Variants in SMARCAL1 observed in about 807,000 individuals in gnomAD.
The protein encoded by SMARCAL1 is SNF2 related chromatin remodeling annealing helicase 1, also known as ATP-driven annealing helicase.
SMARCAL1 carries 58 observed loss-of-function variants against 94.5 expected under a neutral mutation model. The observed-to-expected ratio is 0.61, with a 90% CI of 0.50 to 0.76. The LOEUF is 0.76. Ranked by LOEUF, SMARCAL1 falls within the 30% of genes least tolerant of loss-of-function variation. The probability of loss-of-function intolerance (pLI) is 0.00; values close to 1 mark genes in which losing one functional copy is unlikely to be tolerated. For missense variants in SMARCAL1, 1,051 were observed against 1,177.9 expected, an observed-to-expected ratio of 0.89 and a Z score of 1.58; for synonymous variants, 422 against 455.1, an observed-to-expected ratio of 0.93 and a Z score of 0.93.
At chr2:216,434,687 A>G (rs926291486) in intron 8 of SMARCAL1, among the ~76,000 whole-genome samples, 1 of 151,374 alleles carries the variant, frequency 6.6e-6, no homozygotes, top group African/African-American at 2.4e-5. Flanking sequence ...AAAAAAAGAA[A>G]GAAAGAAATT....
rs1401004374 is a variant in SMARCAL1, at chr2:216,420,460, T to G, written c.1024T>G (p.Tyr342Asp). ...KGRCMLISRA[Y>D]FEADISYSQD... ...GCGATGCATGCTCATCTCCAGGGCC[T>G]ACTTCGAGGCAGACATCAGTTATTC... is the stretch of plus-strand genomic sequence containing the variant. Residue 342 changes from tyrosine (Y) to aspartate (D), a missense_variant, in exon 5 of 18, where the codon TAC (tyrosine) becomes GAC (aspartate). Tyr to Asp is a radical substitution (Grantham distance 160, BLOSUM62 -3). This residue lies in a region of SMARCAL1 where 11 missense variants were observed against 28.0 expected (regional missense o/e 0.39). Transcript: ENST00000357276. 2 of 1,614,112 alleles carry G rather than the reference T, an allele frequency of 1.2e-6. No individual in the cohort carries two copies. The highest frequency in any genetic ancestry group is 8.5e-7 in the Non-Finnish European group (1 of 1,180,054).
Position 216,435,223 on chromosome 2 carries a change from G to C in SMARCAL1, c.1486-115G>C, listed in dbSNP as rs527771831. 1.2e-5 allele frequency: 13 copies of C among 1,107,622 alleles called. No individual in the cohort carries two copies. The South Asian group carries it at 1.3e-4, about 11-fold the overall frequency. The allele number at this position is 1,107,622 out of a possible 1,614,324, so 68.6% of individuals were successfully genotyped here. A position where few individuals can be genotyped will look rare whatever the true frequency, so the allele number is the denominator to read the frequency against. ...AGTGGCAAGTGAAGGGGCACAGGTA[G>C]GTGAGAGGAAGGTAGAGGTGATGGC... On this transcript the variant is annotated intron_variant, in intron 8 of 17. Transcript: ENST00000357276.
Position 216,450,641 on chromosome 2 carries a change from A to C in SMARCAL1, c.1852-205A>C, listed in dbSNP as rs2738286. ...ATGCCATGATAGGTGTTTTTTATTC[A>C]TCTCATTCCTGACTTTTTTCTCTCT... On this transcript the variant is annotated intron_variant, in intron 11 of 17. Coordinates refer to ENST00000357276, the MANE Select transcript of SMARCAL1 (RefSeq NM_014140.4). 0.085 allele frequency among the ~76,000 whole-genome samples: 12,986 copies of C among 152,174 alleles called. 1,414 individuals are homozygous for C. Among genetic ancestry groups the C allele is most frequent in the African/African-American group, 0.25 (10,326 of 41,468 alleles).
At chr2:216,417,063 C>A (rs1190688147) in intron 4 of SMARCAL1, among the ~76,000 whole-genome samples, 1 of 152,154 alleles carries the variant, frequency 6.6e-6, no homozygotes, top group South Asian at 2.1e-4. Context: ...ATTTCTACAC[C>A]GTCTCTTCCT....
intron 12 of SMARCAL1, among the ~76,000 whole-genome samples, chr2:216,457,686 C>G (rs143290054): frequency 0.096 from 14,683 of 152,196 alleles, 876 homozygotes; most frequent in South Asian, 0.19. Flanking sequence ...ACATTTAAAG[C>G]AGTGTGTAGA....
In SMARCAL1 at chr2:216,420,394, G is replaced by T; in HGVS notation, c.958G>T (p.Ala320Ser). Residue 320 changes from alanine (A) to serine (S), a missense_variant, in exon 5 of 18, where the codon GCC becomes TCC. This residue lies in a region of SMARCAL1 where 398 missense variants were observed against 395.2 expected (regional missense o/e 1.01). Coordinates refer to ENST00000357276, the MANE Select transcript of SMARCAL1 (RefSeq NM_014140.4). ...ACCCTCCACCAGCAGTGAGGGACAG[G>T]CCGGCCTTCCATCAGCTCCATCCCT... ...ESPSTSSEGQ[A>S]GLPSAPSLSF... 6.2e-7 allele frequency: 1 copy of T among 1,614,196 alleles called. No individual in the cohort carries two copies. The highest frequency in any genetic ancestry group is 8.5e-7 in the Non-Finnish European group (1 of 1,180,020).
intron 14 of SMARCAL1, among the ~76,000 whole-genome samples, chr2:216,469,483 C>T (rs915256541): frequency 4.0e-5 from 6 of 151,638 alleles, no homozygotes; most frequent in African/African-American, 9.7e-5. Flanking sequence ...AGGGTTTCAC[C>T]GTGTGTTAGC....
At position 216,438,472 on chromosome 2, in the gene SMARCAL1, T is replaced by C. The variant is rs540415038; in HGVS notation, c.1697T>C (p.Met566Thr). The C allele has an allele frequency of 6.2e-7, 1 of 1,614,028 alleles. No individual in the cohort carries two copies. Among genetic ancestry groups the C allele is most frequent in the African/African-American group, 1.3e-5 (1 of 75,058 alleles). Residue 566 changes from methionine to threonine, a missense_variant, in exon 10 of 18, where the codon ATG becomes ACG. Physicochemically the swap from Met to Thr is moderately conservative, Grantham distance 81 (BLOSUM62 -1). Transcript: ENST00000357276. ...AGGACTGCCCGCTGTCGAGCAGCTA[T>C]GCCGGTCCTAAAGGTGAGTACTTCT... ...NSRTARCRAAMPVLKVAKRVI... is the reference protein window; with the variant it reads ...NSRTARCRAATPVLKVAKRVI...
intron 17 of SMARCAL1, chr2:216,479,196 C>G (rs77343379): frequency 0.067 from 10,156 of 152,306 alleles, 577 homozygotes; most frequent in African/African-American, 0.16. Flanking sequence ...TGAACCAGGT[C>G]TGAGCCTCAT....
At chr2:216,438,569 AG>A (rs1694129402) in intron 10 of SMARCAL1, 84 bp downstream of exon 10, 1 of 1,164,556 alleles carries the variant, frequency 8.6e-7, no homozygotes, top group South Asian at 1.3e-5. Flanking sequence ...CTAGTCCAGC[AG>A]GGGTTGCAAG....
In SMARCAL1 at chr2:216,423,717, C is replaced by A. The variant is rs113498320; in HGVS notation, c.1147+34C>A. On this transcript the variant is annotated intron_variant, in intron 6 of 17. Transcript: ENST00000357276. ...CCTTCCTTACTTGTTTTATATCATGCTATTGTTAAGCTTTAATAATTCACC... is the reference window on the plus strand; with the variant it reads ...CCTTCCTTACTTGTTTTATATCATGATATTGTTAAGCTTTAATAATTCACC... The A allele has an allele frequency of 5.8e-4, 904 of 1,552,550 alleles. 3 individuals are homozygous for A. The African/African-American group carries it at 0.011, about 19-fold the overall frequency.
chr2:216,458,205 CA>C (rs1375909578), intron 12 of SMARCAL1, among the ~76,000 whole-genome samples: 1 of 151,744 alleles, frequency 6.6e-6, no homozygotes, highest in African/African-American at 2.4e-5. Context: ...GCTTACCAAC[CA>C]AAAAAAATCC....
intron 12 of SMARCAL1, chr2:216,451,422 A>G (rs1224894699): frequency 2.1e-5 from 7 of 328,720 alleles, no homozygotes; most frequent in Non-Finnish European, 4.2e-5. Flanking sequence ...TTAGAAAATT[A>G]GTCCTAACAT....
At chr2:216,470,139 T>C (rs1694929143) in intron 14 of SMARCAL1, among the ~76,000 whole-genome samples, 1 of 152,112 alleles carries the variant, frequency 6.6e-6, no homozygotes, top group Non-Finnish European at 1.5e-5. Flanking sequence ...TTATCAGTTA[T>C]CTTTTTATCT....
At chr2:216,423,816 A>T in intron 6 of SMARCAL1, 133 bp downstream of exon 6, 1 of 802,062 alleles carries the variant, frequency 1.2e-6, no homozygotes, top group Non-Finnish European at 2.1e-6. Flanking sequence ...AGGGTAAGTA[A>T]AGGTGAGGAT....
At chr2:216,463,572 C>T (rs1376956545) in intron 12 of SMARCAL1, among the ~76,000 whole-genome samples, 2 of 152,078 alleles carry the variant, frequency 1.3e-5, no homozygotes, top group African/African-American at 2.4e-5. Context: ...GAGGCCAGAG[C>T]GATAGTAAAT....
intron 11 of SMARCAL1, among the ~76,000 whole-genome samples, 164 bp downstream of exon 11, chr2:216,447,322 G>C (rs534312302): frequency 6.6e-6 from 1 of 152,112 alleles, no homozygotes; most frequent in African/African-American, 2.4e-5. Context: ...ATGACCTCAG[G>C]GGTAAGATGA....
chr2:216,433,571 CAG>C (rs1011119230), intron 8 of SMARCAL1, among the ~76,000 whole-genome samples: 7 of 152,120 alleles, frequency 4.6e-5, no homozygotes, highest in Non-Finnish European at 7.4e-5. Flanking sequence ...CTTCCCAACT[CAG>C]GGGTTTTGCA....
At chr2:216,468,621 G>A (rs574196155) in intron 14 of SMARCAL1, among the ~76,000 whole-genome samples, 6 of 152,160 alleles carry the variant, frequency 3.9e-5, no homozygotes, top group South Asian at 2.1e-4. Flanking sequence ...TTCCCTCATC[G>A]TTTATATTTA....
Sources: allele counts gnomAD v4.1 joint callset (sites outside exome capture counted in the v4.1 genomes callset), GRCh38; gene constraint gnomAD v4.1.1; regional missense constraint gnomAD v4.1.1; transcripts MANE v1.5; gene names NCBI Gene and HGNC (gene_info 2026-07-23, HGNC 2026-07-21).